MARK3: variants seen among roughly 807,000 people sequenced by gnomAD.
MARK3 encodes MAP/microtubule affinity-regulating kinase 3.
A neutral mutation model predicts 90.1 loss-of-function variants in MARK3; 46 were observed. The observed-to-expected ratio is 0.51, with a 90% CI of 0.40 to 0.65. The LOEUF is 0.65. MARK3 is among the 30% of genes least tolerant of loss of function. The pLI is 0.00. For missense variants in MARK3, 818 were observed against 947.2 expected, an observed-to-expected ratio of 0.86 and a Z score of 1.79; for synonymous variants, 321 against 332.6, an observed-to-expected ratio of 0.97 and a Z score of 0.38.
chr14:103,467,225 T>A (rs1271288767), intron 11 of MARK3, 34 bp downstream of exon 11: 1 of 937,794 alleles, frequency 1.1e-6, no homozygotes, highest in Non-Finnish European at 1.7e-6. Flanking sequence ...AAATACCCTG[T>A]ATGTAATTAT....
intron 12 of MARK3, among the ~76,000 whole-genome samples, chr14:103,473,600 G>T (rs568657591): frequency 6.6e-6 from 1 of 152,280 alleles, no homozygotes; most frequent in East Asian, 1.9e-4. Flanking sequence ...CGAAAGCTTA[G>T]TTGTTGTTCT....
At chr14:103,491,125 T>G (rs2094008923) in intron 14 of MARK3, 1 of 1,251,794 alleles carries the variant, frequency 8.0e-7, no homozygotes, top group Non-Finnish European at 1.0e-6. Context: ...AAATGCACAT[T>G]CTTTGTGAAA....
At chr14:103,450,333 C>T (rs1485803428) in intron 4 of MARK3, among the ~76,000 whole-genome samples, 7 of 152,138 alleles carry the variant, frequency 4.6e-5, no homozygotes, top group Admixed American at 2.0e-4. Context: ...CAACTTTTCA[C>T]ACCCGTCCTC....
At chr14:103,444,823 C>T (rs185323205) in intron 3 of MARK3, among the ~76,000 whole-genome samples, 1 of 152,128 alleles carries the variant, frequency 6.6e-6, no homozygotes, top group Admixed American at 6.5e-5. Context: ...TTTAAATGGC[C>T]TTTTACAATT....
intron 17 of MARK3, among the ~76,000 whole-genome samples, chr14:103,500,870 C>T (rs1235708440): frequency 6.6e-6 from 1 of 152,162 alleles, no homozygotes; most frequent in Non-Finnish European, 1.5e-5. Flanking sequence ...GAACCTCCCA[C>T]CTCAACCTCC....
chr14:103,443,107 A>C (rs1329726914), intron 3 of MARK3, among the ~76,000 whole-genome samples: 1 of 152,222 alleles, frequency 6.6e-6, no homozygotes, highest in African/African-American at 2.4e-5. Context: ...GCAACTCTGA[A>C]AAATGTTAGA....
chr14:103,498,223 A>AG lies in MARK3; in HGVS notation c.1845-278dup, dbSNP rs34825690. ...ACTCTGTCTTTAAAAAAAAAAAAAAAGTGTGTCCATCTGAAGAACTTTTAA... is the reference window on the plus strand; with the variant it reads ...ACTCTGTCTTTAAAAAAAAAAAAAAAGGTGTGTCCATCTGAAGAACTTTTAA... On this transcript the variant is annotated intron_variant, in intron 15 of 17. Transcript: ENST00000429436. Among the ~76,000 whole-genome samples the AG allele has an allele frequency of 1.6e-3, 238 of 147,160 alleles. 2 individuals are homozygous for AG. The East Asian group carries it at 0.023, about 14-fold the overall frequency.
At chr14:103,497,225 T>C (rs1017427352) in intron 15 of MARK3, among the ~76,000 whole-genome samples, 1 of 152,224 alleles carries the variant, frequency 6.6e-6, no homozygotes, top group African/African-American at 2.4e-5. Flanking sequence ...CTGATCTGAT[T>C]ATGAAGTGGT....
At chr14:103,419,027 G>A (rs971872513) in intron 2 of MARK3, among the ~76,000 whole-genome samples, 3 of 152,148 alleles carry the variant, frequency 2.0e-5, no homozygotes, top group Non-Finnish European at 4.4e-5. Context: ...GGTGGCTCAC[G>A]CCTGTAATCC....
chr14:103,466,647 AT>A (rs1162577666), intron 10 of MARK3, among the ~76,000 whole-genome samples: 4 of 152,368 alleles, frequency 2.6e-5, no homozygotes, highest in African/African-American at 9.6e-5. Flanking sequence ...GTGCCCATTT[AT>A]GTTACAAAAT....
At chr14:103,438,132 C>T (rs2092760442) in intron 3 of MARK3, among the ~76,000 whole-genome samples, 1 of 152,122 alleles carries the variant, frequency 6.6e-6, no homozygotes. Flanking sequence ...TCCCGAGTAG[C>T]TGGGATTACA....
intron 2 of MARK3, among the ~76,000 whole-genome samples, chr14:103,419,522 G>T (rs967826801): frequency 5.3e-5 from 8 of 152,044 alleles, no homozygotes; most frequent in Non-Finnish European, 1.2e-4. Flanking sequence ...TAAATTCTTT[G>T]CAAACCCCTT....
chr14:103,395,083 A>G lies in MARK3; in HGVS notation c.51+9003A>G, dbSNP rs534817273. Among the ~76,000 whole-genome samples the G allele has an allele frequency of 1.4e-3, 206 of 152,310 alleles. 2 individuals carry two copies. Among genetic ancestry groups the G allele is most frequent in the Non-Finnish European group, 2.3e-3 (156 of 68,016 alleles). On this transcript the variant is annotated intron_variant, in intron 1 of 17. Transcript: ENST00000429436. ...GCATGAGCCACAGCGCCTGGCCACAATCTTACACTACTTTCCTGAAGGGAT... is the reference window on the plus strand; with the variant it reads ...GCATGAGCCACAGCGCCTGGCCACAGTCTTACACTACTTTCCTGAAGGGAT...
At chr14:103,490,924 C>T (rs1165260077) in intron 14 of MARK3, 1 of 1,248,766 alleles carries the variant, frequency 8.0e-7, no homozygotes, top group South Asian at 1.3e-5. Context: ...TGTGTTTCTG[C>T]CTCTGCCTGA....
At chr14:103,419,884 C>T (rs2092132425) in intron 2 of MARK3, among the ~76,000 whole-genome samples, 1 of 152,024 alleles carries the variant, frequency 6.6e-6, no homozygotes, top group South Asian at 2.1e-4. Flanking sequence ...GGCCCAGAAA[C>T]GGAGCAGGTC....
rs1269168477 is a variant in MARK3, at chr14:103,414,680, G to T, written c.243+9413G>T. On this transcript the variant is annotated intron_variant, in intron 2 of 17. Transcript: ENST00000429436. ...CTTAATTTGTTCTGAGTCAGTATAA[G>T]TTAAAGGCTTATTGTGTATTATGTT... 2.6e-5 allele frequency among the ~76,000 whole-genome samples: 4 copies of T among 152,214 alleles called. No individual in the cohort carries two copies. The East Asian group carries it at 7.7e-4, about 29-fold the overall frequency.
At chr14:103,449,088 G>T in intron 4 of MARK3, 121 bp downstream of exon 4, 1 of 1,125,788 alleles carries the variant, frequency 8.9e-7, no homozygotes, top group South Asian at 1.5e-5. Context: ...TATACAAGTT[G>T]TTGATCATTT....
intron 1 of MARK3, among the ~76,000 whole-genome samples, chr14:103,398,135 T>C (rs2090705311): frequency 6.6e-6 from 1 of 152,216 alleles, no homozygotes; most frequent in Admixed American, 6.5e-5. Context: ...CATGTTAATT[T>C]TCTCCAACTC....
intron 2 of MARK3, among the ~76,000 whole-genome samples, chr14:103,424,386 A>G (rs1354767000): frequency 1.4e-5 from 2 of 146,642 alleles, no homozygotes; most frequent in Admixed American, 1.4e-4. Context: ...TTAGCTGGAC[A>G]TGGTGGCACG....
Sources: gnomAD v4.1 joint callset for allele counts (sites outside exome capture counted in the v4.1 genomes callset) on GRCh38, gnomAD v4.1.1 for gene constraint, MANE v1.5 for transcripts, NCBI Gene and HGNC (gene_info 2026-07-23, HGNC 2026-07-21) for gene names.